The following TAP2 variants were observed in gnomAD, a reference collection of about 807,000 sequenced individuals.
TAP2 encodes antigen peptide transporter 2.
A neutral mutation model predicts 74.7 loss-of-function variants in TAP2; 49 were observed. That is an observed-to-expected ratio of 0.66 (90% confidence interval 0.52 to 0.83). The LOEUF (loss-of-function observed/expected upper bound fraction) is 0.83, where lower values mean the gene tolerates loss of function less well. Ranked by LOEUF, TAP2 falls within the 40% of genes least tolerant of loss-of-function variation. The pLI, the probability that TAP2 is intolerant of heterozygous loss-of-function variation, is 0.00. For synonymous variants in TAP2, 306 were observed against 368.4 expected (o/e 0.83, Z 1.94); for missense variants, 739 against 859.0 (o/e 0.86, Z 1.75).
chr6:32,828,675 G>GCCCC lies in TAP2; in HGVS notation c.*227_*230dup. 2.3e-6 allele frequency: 2 copies of GCCCC among 884,284 alleles called. No homozygotes were observed. Among genetic ancestry groups the GCCCC allele is most frequent in the Non-Finnish European group, 2.7e-6 (2 of 735,244 alleles). The allele number at this position is 884,284 out of a possible 1,614,324, so 54.8% of individuals were successfully genotyped here. A position where few individuals can be genotyped will look rare whatever the true frequency, so the allele number is the denominator to read the frequency against. On this transcript the variant is annotated 3_prime_UTR_variant, in exon 12 of 12. Transcript: ENST00000374897. ...GAATTAAGTTTCCTGGACACAGACAGCCCCCACCCCACCCCACCCCACCTC... is the reference window on the plus strand; with the variant it reads ...GAATTAAGTTTCCTGGACACAGACAGCCCCCCCCCACCCCACCCCACCCCACCTC...
intron 7 of TAP2, among the ~76,000 whole-genome samples, chr6:32,831,508 A>G (rs144721718): frequency 0.011 from 1,628 of 152,312 alleles, 28 homozygotes; most frequent in African/African-American, 0.03. Flanking sequence ...GGAAGAATGC[A>G]TCACCACCTA....
At chr6:32,833,367 T>C (rs772968763) in intron 5 of TAP2, among the ~76,000 whole-genome samples, 3 of 152,036 alleles carry the variant, frequency 2.0e-5, no homozygotes, top group South Asian at 2.1e-4. Flanking sequence ...AAAGCAACCA[T>C]GAAATACAAG....
chr6:32,833,247 G>A (rs1170096025), intron 5 of TAP2, among the ~76,000 whole-genome samples: 3 of 152,296 alleles, frequency 2.0e-5, no homozygotes, highest in East Asian at 3.9e-4. Context: ...AGATTTGGCA[G>A]TGATTTCTTG....
rs754399239 is a variant in TAP2 at position 32,827,250 on chromosome 6, G to C, written c.*1656C>G. The C allele has an allele frequency of 4.1e-6, 4 of 985,468 alleles. No individual in the cohort carries two copies. The highest frequency in any genetic ancestry group is 4.8e-6 in the Non-Finnish European group (4 of 829,934). The allele number at this position is 985,468 out of a possible 1,614,324, so 61.0% of individuals were successfully genotyped here. ...CAAGGTAAGTCCCTCCCAACAACCA[G>C]TGATGTGTACAATGTTGCATTTTCA... On this transcript the variant is annotated 3_prime_UTR_variant, in exon 12 of 12. Transcript: ENST00000374897.
Position 32,829,467 on chromosome 6 carries a change from A to G in TAP2, c.1865T>C (p.Val622Ala). ...KQRLAIARALVRDPRVLILDE... is the reference protein window; with the variant it reads ...KQRLAIARALARDPRVLILDE... ...CAGGATGAGGACCCGCGGGTCTCGTACAAGGGCCCGGGCAATGGCCAGACG... is the reference window on the plus strand; with the variant it reads ...CAGGATGAGGACCCGCGGGTCTCGTGCAAGGGCCCGGGCAATGGCCAGACG... Residue 622 changes from valine (V) to alanine (A), a missense_variant, in exon 11 of 12, where the codon GTA becomes GCA. Coordinates refer to ENST00000374897, the MANE Select transcript of TAP2 (RefSeq NM_001290043.2). The G allele has an allele frequency of 1.2e-6, 2 of 1,613,928 alleles. No homozygotes were observed. Among genetic ancestry groups the G allele is most frequent in the South Asian group, 1.1e-5 (1 of 91,006 alleles).
In TAP2 at chr6:32,835,426, T is replaced by A; in HGVS notation, c.740-67A>T. Reference sequence around the variant, plus strand: ...TACTGCAGGGCCCCCAGAAACTCCCTCCTGACCGTTCCCTCTGACACAGCC... The same window carrying A: ...TACTGCAGGGCCCCCAGAAACTCCCACCTGACCGTTCCCTCTGACACAGCC... On this transcript the variant is annotated intron_variant, in intron 4 of 11. Coordinates refer to ENST00000374897, the MANE Select transcript of TAP2 (RefSeq NM_001290043.2). This position sits in a 1 kb window ranked among gnomAD's most constrained non-coding sequence, Gnocchi z 4.0. The A allele has an allele frequency of 6.4e-7, 1 of 1,550,834 alleles. No homozygotes were observed. Among genetic ancestry groups the A allele is most frequent in the African/African-American group, 1.4e-5 (1 of 73,704 alleles).
In TAP2 at chr6:32,830,390, G is replaced by A. The variant is rs750188023; in HGVS notation, c.1512C>T (p.Pro504=). 4.6e-5 allele frequency: 75 copies of A among 1,612,954 alleles called. No individual in the cohort carries two copies. The highest frequency in any genetic ancestry group is 5.9e-5 in the Non-Finnish European group (70 of 1,180,036). ...RPGEVTALVG[P]NGSGKSTVAA... ...CCACTGTGCTCTTCCCAGACCCATT[G>A]GGTCCCACCAGCGCCGTCACCTCAC... The change falls in exon 9 of 12, where the codon CCC becomes CCT. Residue 504 remains proline, a synonymous_variant. Coordinates refer to ENST00000374897, the MANE Select transcript of TAP2 (RefSeq NM_001290043.2).
Position 32,827,311 on chromosome 6 carries a change from C to G in TAP2, c.*1595G>C. 9 of 985,356 alleles carry G rather than the reference C, an allele frequency of 9.1e-6. No homozygotes were observed. The highest frequency in any genetic ancestry group is 1.1e-5 in the Non-Finnish European group (9 of 829,902). The allele number at this position is 985,356 out of a possible 1,614,324, so 61.0% of individuals were successfully genotyped here. On this transcript the variant is annotated 3_prime_UTR_variant, in exon 12 of 12. Coordinates refer to ENST00000374897, the MANE Select transcript of TAP2 (RefSeq NM_001290043.2). ...TGGGCAGGGAGGATTAAGATTAGTA[C>G]GATGGTGGAGATATTTATTCATTTA... is the stretch of plus-strand genomic sequence containing the variant.
chr6:32,834,155 C>A (rs1390037911), intron 5 of TAP2, among the ~76,000 whole-genome samples: 1 of 152,160 alleles, frequency 6.6e-6, no homozygotes, highest in Non-Finnish European at 1.5e-5. Context: ...CCCAAAAGAA[C>A]CAAAAGCAGG....
Position 32,832,270 on chromosome 6 carries a change from G to C in TAP2, c.1272+63C>G. ...TTAAAAAGAACAAATAAAGCCCAAGGCCCAGGAGTCCACAAAGAAAAAGAG... is the reference window on the plus strand; with the variant it reads ...TTAAAAAGAACAAATAAAGCCCAAGCCCCAGGAGTCCACAAAGAAAAAGAG... On this transcript the variant is annotated intron_variant, in intron 7 of 11. Transcript: ENST00000374897. This position sits in a 1 kb window ranked among gnomAD's most constrained non-coding sequence, Gnocchi z 5.9. The C allele has an allele frequency of 6.2e-7, 1 of 1,610,404 alleles. No individual in the cohort carries two copies.
chr6:32,824,199 G>C (rs1455165645), downstream of TAP2, among the ~76,000 whole-genome samples: 3 of 151,850 alleles, frequency 2.0e-5, no homozygotes, highest in Non-Finnish European at 4.4e-5. Context: ...TACATATTTT[G>C]TAGTTTTATT....
intron 11 of TAP2, 110 bp downstream of exon 11, chr6:32,829,290 G>A (rs1295248947): frequency 6.6e-7 from 1 of 1,510,210 alleles, no homozygotes; most frequent in Non-Finnish European, 9.0e-7. Context: ...GGCACAGACT[G>A]TTTCCACTAG....
Position 32,828,675 on chromosome 6 carries a change from G to GCCTCCCCCCCCCCCCCC in TAP2, c.*230_*231insGGGGGGGGGGGGGGAGG. 1.1e-6 allele frequency: 1 copy of GCCTCCCCCCCCCCCCCC among 884,280 alleles called. No homozygotes were observed. Among genetic ancestry groups the GCCTCCCCCCCCCCCCCC allele is most frequent in the Non-Finnish European group, 1.4e-6 (1 of 735,240 alleles). The allele number at this position is 884,280 out of a possible 1,614,324, so 54.8% of individuals were successfully genotyped here. ...GAATTAAGTTTCCTGGACACAGACAGCCCCCACCCCACCCCACCCCACCTC... is the reference window on the plus strand; with the variant it reads ...GAATTAAGTTTCCTGGACACAGACAGCCTCCCCCCCCCCCCCCCCCCCACCCCACCCCACCCCACCTC... On this transcript the variant is annotated 3_prime_UTR_variant, in exon 12 of 12. Transcript: ENST00000374897.
At chr6:32,834,890 C>T (rs916755863) in intron 5 of TAP2, among the ~76,000 whole-genome samples, 5 of 152,186 alleles carry the variant, frequency 3.3e-5, no homozygotes, top group Non-Finnish European at 7.3e-5. Context: ...CCTATCATCT[C>T]CCCTTCCTAT....
chr6:32,829,677 G>A (rs1768918392), intron 10 of TAP2, 141 bp from the exon 11 acceptor site: 4 of 1,372,940 alleles, frequency 2.9e-6, no homozygotes, highest in East Asian at 2.3e-5. Flanking sequence ...AGTGGGAGGA[G>A]GGCCATGGGG....
intron 7 of TAP2, among the ~76,000 whole-genome samples, chr6:32,831,088 AG>A (rs1769049746): frequency 6.6e-6 from 1 of 152,182 alleles, no homozygotes; most frequent in African/African-American, 2.4e-5. Context: ...ACTTGTGCCC[AG>A]TTCTGTCTTG....
Position 32,829,419 on chromosome 6 carries a change from T to G in TAP2, c.1913A>C (p.Asp638Ala). The G allele has an allele frequency of 6.2e-7, 1 of 1,606,642 alleles. No homozygotes were observed. Among genetic ancestry groups the G allele is most frequent in the Non-Finnish European group, 8.5e-7 (1 of 1,176,362 alleles). Residue 638 changes from aspartate (D) to alanine (A), a missense_variant, in exon 11 of 12, where the codon GAT becomes GCT. Asp to Ala is a moderately radical substitution (Grantham distance 126). Coordinates refer to ENST00000374897, the MANE Select transcript of TAP2 (RefSeq NM_001290043.2). ...ACTCACGGCCTGCTCGCACTGCACATCTAGGGCACTAGTAGCCTCATCCAG... is the reference window on the plus strand; with the variant it reads ...ACTCACGGCCTGCTCGCACTGCACAGCTAGGGCACTAGTAGCCTCATCCAG... ...LILDEATSAL[D>A]VQCEQALQDW... is the part of the protein sequence containing the mutation.
downstream of TAP2, among the ~76,000 whole-genome samples, chr6:32,823,974 CTGTG>C (rs1554230491): frequency 6.6e-6 from 1 of 152,016 alleles, no homozygotes; most frequent in African/African-American, 2.4e-5. Flanking sequence ...CTTCCTCTTT[CTGTG>C]TGTGTGTCTA....
intron 1 of TAP2, 54 bp from the exon 2 acceptor site, chr6:32,838,291 C>A: frequency 1.3e-6 from 2 of 1,501,426 alleles, no homozygotes; most frequent in Non-Finnish European, 1.8e-6. Context: ...AATCCTTGTC[C>A]CTGCCCTCCT....
Sources: gnomAD v4.1 joint callset for allele counts (sites outside exome capture counted in the v4.1 genomes callset) on GRCh38, gnomAD v4.1.1 for gene constraint, Gnocchi (gnomAD v3.1) non-coding constraint, MANE v1.5 for transcripts, NCBI Gene and HGNC (gene_info 2026-07-23, HGNC 2026-07-21) for gene names.